Variants in COQ2 observed in about 807,000 individuals in gnomAD.
The protein encoded by COQ2 is 4-hydroxybenzoate polyprenyltransferase, mitochondrial.
In COQ2, 25 loss-of-function variants were observed where a neutral mutation model predicts 35.7. The ratio of observed to expected loss-of-function variants is 0.70; its 90% confidence interval spans 0.51 to 0.98. COQ2 has a LOEUF of 0.98. Among genes scored for constraint, COQ2 ranks in the 50% least tolerant of loss-of-function variants. The probability of loss-of-function intolerance (pLI) is 0.00; values close to 1 mark genes in which losing one functional copy is unlikely to be tolerated. For synonymous variants in COQ2, 206 were observed against 186.2 expected, an observed-to-expected ratio of 1.11 and a Z score of -0.86; for missense variants, 488 against 473.5, an observed-to-expected ratio of 1.03 and a Z score of -0.28.
intron 5 of COQ2, among the ~76,000 whole-genome samples, chr4:83,269,626 AAAATAAATGAGTTGAATTTTGGTAAACAC>A: frequency 6.6e-6 from 1 of 152,238 alleles, no homozygotes; most frequent in African/African-American, 2.4e-5. Flanking sequence ...GCTTGTAAAT[AAAATAAATGAGTTGAATTTTGGTAAACAC>A]ACATAAACAT....
chr4:83,267,684 C>T lies in COQ2; in HGVS notation c.853G>A (p.Ala285Thr), dbSNP rs1297192745. 5 of 1,562,558 alleles carry T rather than the reference C, an allele frequency of 3.2e-6. No homozygotes were observed. Among genetic ancestry groups the T allele is most frequent in the Non-Finnish European group, 4.3e-6 (5 of 1,153,648 alleles). The change falls in exon 6 of 7, where the codon GCA becomes ACA. Residue 285 changes from alanine (A) to threonine (T), a missense_variant. Physicochemically the swap from Ala to Thr is moderately conservative, Grantham distance 58. Transcript: ENST00000647002. ...ACTAGGCTCAGTGCCCCCAGCATTG[C>T]AACACTGAAGCCGCTGAGCCACGGC... ...TKPWLSGFSV[A>T]MLGALSLVGV...
At chr4:83,270,854 G>T (rs1735032164) in intron 4 of COQ2, among the ~76,000 whole-genome samples, 1 of 152,128 alleles carries the variant, frequency 6.6e-6, no homozygotes, top group Admixed American at 6.6e-5. Flanking sequence ...AAATGTAGGG[G>T]TTCAGTAAAT....
intron 2 of COQ2, among the ~76,000 whole-genome samples, chr4:83,276,077 A>AATATATAAT (rs1553916320): frequency 5.8e-5 from 8 of 139,078 alleles, no homozygotes; most frequent in Non-Finnish European, 7.5e-5. Flanking sequence ...TTTTATATAT[A>AATATATAAT]ATATATATAT....
intron 1 of COQ2, among the ~76,000 whole-genome samples, chr4:83,282,889 C>A (rs1735359507): frequency 6.6e-6 from 1 of 152,122 alleles, no homozygotes; most frequent in South Asian, 2.1e-4. Flanking sequence ...GAAGGTCCAG[C>A]CACTAAGATA....
chr4:83,267,514 G>T, intron 6 of COQ2, 72 bp downstream of exon 6: 3 of 1,352,854 alleles, frequency 2.2e-6, no homozygotes, highest in Non-Finnish European at 1.0e-6. Context: ...AAACACAGAG[G>T]GCATACTGTT....
chr4:83,280,075 C>T (rs892247405), intron 1 of COQ2, among the ~76,000 whole-genome samples: 1 of 152,018 alleles, frequency 6.6e-6, no homozygotes, highest in African/African-American at 2.4e-5. Context: ...AGTAATCGTC[C>T]CACCTTGGCC....
chr4:83,265,042 T>C (rs1224218257), intron 6 of COQ2, among the ~76,000 whole-genome samples: 2 of 152,146 alleles, frequency 1.3e-5, no homozygotes, highest in Non-Finnish European at 1.5e-5. Flanking sequence ...GGACCTACAT[T>C]TAGGGAAGGG....
chr4:83,281,452 C>T (rs534609345), intron 1 of COQ2: 1 of 152,270 alleles, frequency 6.6e-6, no homozygotes, highest in Non-Finnish European at 1.5e-5. Flanking sequence ...CTGTAGAGCT[C>T]CCCTACAGAT....
intron 1 of COQ2, chr4:83,283,391 C>T: frequency 1.0e-6 from 1 of 985,434 alleles, no homozygotes. Flanking sequence ...TTCCCATTTT[C>T]CACACCCACT....
chr4:83,279,963 T>C (rs1226282351), intron 1 of COQ2, among the ~76,000 whole-genome samples: 1 of 150,162 alleles, frequency 6.7e-6, no homozygotes, highest in Non-Finnish European at 1.5e-5. Flanking sequence ...TGAGCTCAAG[T>C]GATCCTCCTG....
rs369421547 is a variant in COQ2 at position 83,273,484 on chromosome 4, C to A, written c.542+12G>T. 2 of 1,603,058 alleles carry A rather than the reference C, an allele frequency of 1.2e-6. No homozygotes were observed. Among genetic ancestry groups the A allele is most frequent in the South Asian group, 1.1e-5 (1 of 88,578 alleles). ...GAGATTTTATACATGATGTGGAAAA[C>A]GTTTAATATACCTGTAGTAATTTAG... On this transcript the variant is annotated intron_variant, in intron 3 of 6. Transcript: ENST00000647002.
At chr4:83,271,402 T>C (rs1735044503) in intron 4 of COQ2, among the ~76,000 whole-genome samples, 1 of 152,202 alleles carries the variant, frequency 6.6e-6, no homozygotes. Context: ...AGCTATCACA[T>C]ACACTTTAAC....
In COQ2 at chr4:83,267,833, T is replaced by G. The variant is rs1734959788; in HGVS notation, c.763-59A>C. The stretch of plus-strand genomic sequence containing the variant: ...AGATTTAGTTCACACACCATAAAAT[T>G]CACATTTTGAAGTATCAGATTTAGT... On this transcript the variant is annotated intron_variant, in intron 5 of 6. Coordinates refer to ENST00000647002, the MANE Select transcript of COQ2 (RefSeq NM_001358921.2). 6 of 1,395,188 alleles carry G rather than the reference T, an allele frequency of 4.3e-6. No individual in the cohort carries two copies. The Admixed American group carries it at 1.0e-4, about 23-fold the overall frequency. The allele number at this position is 1,395,188 out of a possible 1,614,324, so 86.4% of individuals were successfully genotyped here.
upstream of COQ2, chr4:83,284,899 G>C (rs752575160): frequency 3.9e-6 from 6 of 1,520,622 alleles, 1 homozygote; most frequent in South Asian, 7.3e-5. Flanking sequence ...ATCCTTACTT[G>C]TGAAATTGGG....
Position 83,267,670 on chromosome 4 carries a change from T to C in COQ2, c.867A>G (p.Ala289=). The part of the protein sequence containing the change: ...LSGFSVAMLG[A]LSLVGVNSGQ... The stretch of plus-strand genomic sequence containing the variant: ...CACTGTTCACACCCACTAGGCTCAG[T>C]GCCCCCAGCATTGCAACACTGAAGC... The change falls in exon 6 of 7, where the codon GCA becomes GCG. Residue 289 remains alanine, a synonymous_variant. Coordinates refer to ENST00000647002, the MANE Select transcript of COQ2 (RefSeq NM_001358921.2). 1 of 1,569,698 alleles carries C rather than the reference T, an allele frequency of 6.4e-7. No homozygotes were observed. The highest frequency in any genetic ancestry group is 8.6e-7 in the Non-Finnish European group (1 of 1,157,598).
intron 2 of COQ2, 87 bp from the exon 3 acceptor site, chr4:83,273,704 G>T (rs1735101689): frequency 1.6e-6 from 2 of 1,261,192 alleles, no homozygotes; most frequent in Non-Finnish European, 1.1e-6. Flanking sequence ...GCCCATGGTA[G>T]GCACAAATAT....
intron 2 of COQ2, among the ~76,000 whole-genome samples, chr4:83,273,821 C>T (rs1295604970): frequency 6.6e-6 from 1 of 151,804 alleles, no homozygotes; most frequent in Non-Finnish European, 1.5e-5. Context: ...TCTCTTTTCT[C>T]CCATCCCCAT....
At chr4:83,283,268 C>T in intron 1 of COQ2, 1 of 985,402 alleles carries the variant, frequency 1.0e-6, no homozygotes, top group African/African-American at 1.7e-5. Context: ...CCTTTGACTA[C>T]ATCTCCATAC....
At chr4:83,284,829 C>T (rs776453871), upstream of COQ2, 15 of 1,561,150 alleles carry the variant, frequency 9.6e-6, no homozygotes, top group South Asian at 2.3e-5. Flanking sequence ...CGCAGTGGCA[C>T]CCGCAGGATG....
Sources: gnomAD v4.1 joint callset for allele counts (sites outside exome capture counted in the v4.1 genomes callset) on GRCh38, gnomAD v4.1.1 for gene constraint, MANE v1.5 for transcripts, NCBI Gene and HGNC (gene_info 2026-07-23, HGNC 2026-07-21) for gene names.